PDCL2: variants seen among roughly 807,000 people sequenced by gnomAD.
PDCL2 encodes the protein phosducin like 2.
A neutral mutation model predicts 30.3 loss-of-function variants in PDCL2; 23 were observed. The observed-to-expected ratio is 0.76, with a 90% CI of 0.55 to 1.08. The LOEUF (loss-of-function observed/expected upper bound fraction) is 1.08. PDCL2 is among the 50% of genes least tolerant of loss of function. The probability of loss-of-function intolerance (pLI) is 0.00; values close to 1 mark genes in which losing one functional copy is unlikely to be tolerated. For missense variants in PDCL2, 243 were observed against 282.3 expected (o/e 0.86, Z 1.00); for synonymous variants, 68 against 86.2 (o/e 0.79, Z 1.17).
intron 2 of PDCL2, among the ~76,000 whole-genome samples, chr4:55,581,430 A>C (rs988924347): frequency 6.6e-6 from 1 of 152,222 alleles, no homozygotes; most frequent in East Asian, 1.9e-4. Flanking sequence ...GGCTACATTT[A>C]AAACTAGGTA....
At chr4:55,569,690 T>C in intron 4 of PDCL2, 28 bp downstream of exon 4, 6 of 1,465,144 alleles carry the variant, frequency 4.1e-6, no homozygotes, top group Non-Finnish European at 5.5e-6. Flanking sequence ...AGTAGTATAT[T>C]AACATTTTGA....
intron 4 of PDCL2, among the ~76,000 whole-genome samples, chr4:55,563,517 C>T (rs758500794): frequency 1.6e-4 from 24 of 152,282 alleles, no homozygotes; most frequent in Non-Finnish European, 3.1e-4. Context: ...CCTGTCTCTA[C>T]TAAAAAATGC....
chr4:55,563,303 A>G (rs1251985050), intron 4 of PDCL2, among the ~76,000 whole-genome samples: 1 of 152,004 alleles, frequency 6.6e-6, no homozygotes, highest in Admixed American at 6.6e-5. Flanking sequence ...CTCCCTTGGG[A>G]TCTTTGTTGG....
intron 3 of PDCL2, among the ~76,000 whole-genome samples, chr4:55,573,850 A>G (rs2110160664): frequency 6.6e-6 from 1 of 151,862 alleles, no homozygotes; most frequent in Middle Eastern, 3.4e-3. Context: ...TCAAGTAAAA[A>G]AAAAGTTCCA....
At chr4:55,578,950 T>C (rs1349818792) in intron 3 of PDCL2, among the ~76,000 whole-genome samples, 2 of 152,216 alleles carry the variant, frequency 1.3e-5, no homozygotes, top group African/African-American at 2.4e-5. Context: ...GTGATTTTTC[T>C]ATTTCTCTAA....
At chr4:55,560,430 G>T (rs189899369) in intron 5 of PDCL2, among the ~76,000 whole-genome samples, 1 of 152,244 alleles carries the variant, frequency 6.6e-6, no homozygotes, top group Non-Finnish European at 1.5e-5. Flanking sequence ...GCAATAAAGT[G>T]AGACCCCATC....
At chr4:55,569,383 C>T (rs1476273176) in intron 4 of PDCL2, among the ~76,000 whole-genome samples, 1 of 152,102 alleles carries the variant, frequency 6.6e-6, no homozygotes, top group Admixed American at 6.5e-5. Context: ...CTTGTTGAAT[C>T]TGTATGGTCG....
intron 3 of PDCL2, among the ~76,000 whole-genome samples, chr4:55,579,509 G>A (rs192952509): frequency 2.8e-4 from 43 of 152,144 alleles, no homozygotes; most frequent in African/African-American, 9.6e-4. Context: ...AAAGACACGG[G>A]TTTCATCATG....
intron 5 of PDCL2, 81 bp from the exon 6 acceptor site, chr4:55,556,792 CT>C: frequency 1.8e-6 from 2 of 1,101,864 alleles, no homozygotes; most frequent in Non-Finnish European, 2.5e-6. Flanking sequence ...AGAGTTGACT[CT>C]TAGTAATATT....
At chr4:55,586,228 A>C (rs180908100) in intron 1 of PDCL2, among the ~76,000 whole-genome samples, 1 of 152,158 alleles carries the variant, frequency 6.6e-6, no homozygotes, top group African/African-American at 2.4e-5. Context: ...TTGGTTGTTC[A>C]GTAGCATGTT....
intron 5 of PDCL2, among the ~76,000 whole-genome samples, chr4:55,559,152 T>C (rs1732059451): frequency 1.3e-5 from 2 of 152,232 alleles, no homozygotes; most frequent in Admixed American, 6.5e-5. Flanking sequence ...GATGTGGGTA[T>C]ATCTTCAAAC....
chr4:55,558,058 T>C (rs1222601968), intron 5 of PDCL2, among the ~76,000 whole-genome samples: 1 of 149,978 alleles, frequency 6.7e-6, no homozygotes, highest in Non-Finnish European at 1.5e-5. Flanking sequence ...GAGGCAGAGG[T>C]TGTAGTGGGC....
chr4:55,591,287 G>T (rs1490458228), intron 1 of PDCL2, among the ~76,000 whole-genome samples: 2 of 150,426 alleles, frequency 1.3e-5, no homozygotes, highest in Non-Finnish European at 3.0e-5. Flanking sequence ...CAATTTTACT[G>T]TACCAAAAAA....
intron 5 of PDCL2, among the ~76,000 whole-genome samples, chr4:55,559,689 A>C (rs1458890232): frequency 1.3e-5 from 2 of 152,222 alleles, no homozygotes; most frequent in East Asian, 3.8e-4. Context: ...GGAGATGAGC[A>C]TATTATTTGT....
Position 55,562,394 on chromosome 4 carries a change from G to A in PDCL2, c.571+10C>T. The A allele has an allele frequency of 7.2e-7, 1 of 1,383,244 alleles. No individual in the cohort carries two copies. Among genetic ancestry groups the A allele is most frequent in the Non-Finnish European group, 9.5e-7 (1 of 1,056,850 alleles). The allele number at this position is 1,383,244 out of a possible 1,614,324, so 85.7% of individuals were successfully genotyped here. ...CCTATCATTTTTATAAACAAAATTT[G>A]TAACATTACCTTCCAGCTTGAGATT... On this transcript the variant is annotated intron_variant, in intron 5 of 5. Coordinates refer to ENST00000295645, the MANE Select transcript of PDCL2 (RefSeq NM_152401.3).
intron 1 of PDCL2, among the ~76,000 whole-genome samples, chr4:55,582,619 T>TA (rs1218810109): frequency 6.6e-5 from 10 of 152,184 alleles, no homozygotes; most frequent in Non-Finnish European, 1.5e-4. Flanking sequence ...TTCTTTTTTT[T>TA]ATTATACTTT....
At chr4:55,561,968 T>C (rs1732147770) in intron 5 of PDCL2, among the ~76,000 whole-genome samples, 1 of 152,036 alleles carries the variant, frequency 6.6e-6, no homozygotes, top group Non-Finnish European at 1.5e-5. Context: ...TAAATAAAAA[T>C]TGAACAGACT....
chr4:55,556,799 A>G, intron 5 of PDCL2, 88 bp from the exon 6 acceptor site: 1 of 1,041,962 alleles, frequency 9.6e-7, no homozygotes, highest in Non-Finnish European at 1.3e-6. Flanking sequence ...ACTCTTAGTA[A>G]TATTACCATG....
At chr4:55,577,712 T>G (rs1732607027) in intron 3 of PDCL2, among the ~76,000 whole-genome samples, 1 of 152,240 alleles carries the variant, frequency 6.6e-6, no homozygotes, top group Non-Finnish European at 1.5e-5. Flanking sequence ...AACTTCTATT[T>G]CTTTATTGAT....
Sources: gnomAD v4.1 joint callset for allele counts (sites outside exome capture counted in the v4.1 genomes callset) on GRCh38, gnomAD v4.1.1 for gene constraint, MANE v1.5 for transcripts, NCBI Gene and HGNC (gene_info 2026-07-23, HGNC 2026-07-21) for gene names.